The following TXNL1 variants were observed in gnomAD, a reference collection of about 807,000 sequenced individuals.
TXNL1 encodes thioredoxin like 1, also known as thioredoxin-like protein 1.
In TXNL1, 14 loss-of-function variants were observed where a neutral mutation model predicts 35.5. The ratio of observed to expected loss-of-function variants is 0.39; its 90% CI spans 0.26 to 0.62. The LOEUF (loss-of-function observed/expected upper bound fraction) is 0.62, where lower values mean the gene tolerates loss of function less well. Among genes scored for constraint, TXNL1 ranks in the 20% least tolerant of loss-of-function variants. The pLI is 0.47. For missense variants in TXNL1, 263 were observed against 349.7 expected, an observed-to-expected ratio of 0.75 and a Z score of 1.98; for synonymous variants, 110 against 115.5, an observed-to-expected ratio of 0.95 and a Z score of 0.31.
At position 56,624,447 on chromosome 18, in the gene TXNL1, G is replaced by A. The variant is rs1198841696; in HGVS notation, c.210C>T (p.Thr70=). 8.1e-6 allele frequency: 13 copies of A among 1,611,596 alleles called. No homozygotes were observed. Among genetic ancestry groups the A allele is most frequent in the Non-Finnish European group, 1.0e-5 (12 of 1,178,250 alleles). The stretch of plus-strand genomic sequence containing the variant: ...ATGTAGGTGTTGCTGATATATTGTT[G>A]GTGGCAGCTGTTCCCTAGAATTGGC... ...DVHQCQGTAA[T]NNISATPTFL... The change falls in exon 3 of 8, where the codon ACC becomes ACT. Residue 70 remains threonine (T), a synonymous_variant. Coordinates refer to ENST00000217515, the MANE Select transcript of TXNL1 (RefSeq NM_004786.3).
intron 5 of TXNL1, among the ~76,000 whole-genome samples, chr18:56,615,035 C>T (rs2024061309): frequency 6.6e-6 from 1 of 152,140 alleles, no homozygotes; most frequent in African/African-American, 2.4e-5. Flanking sequence ...ATAGTTGGTA[C>T]ATTCAGTTAT....
At chr18:56,606,744 T>C (rs1010226266) in intron 7 of TXNL1, among the ~76,000 whole-genome samples, 9 of 152,236 alleles carry the variant, frequency 5.9e-5, no homozygotes, top group South Asian at 2.1e-4. Flanking sequence ...ACTTTCCCTA[T>C]GTTTGTCCCT....
chr18:56,634,549 A>C (rs965248127), intron 1 of TXNL1, among the ~76,000 whole-genome samples: 3 of 152,246 alleles, frequency 2.0e-5, no homozygotes, highest in South Asian at 2.1e-4. Context: ...AAGGGTGCTG[A>C]TCATTCAATG....
At chr18:56,610,881 G>T in intron 7 of TXNL1, 112 bp downstream of exon 7, 1 of 674,090 alleles carries the variant, frequency 1.5e-6, no homozygotes, top group Non-Finnish European at 2.4e-6. Context: ...TTCATGACAT[G>T]ATATAATTTT....
chr18:56,606,482 G>A (rs565443253), intron 7 of TXNL1, among the ~76,000 whole-genome samples: 9 of 152,292 alleles, frequency 5.9e-5, no homozygotes, highest in Non-Finnish European at 1.0e-4. Flanking sequence ...GTCCTTGAAC[G>A]ATTGAATCCT....
intron 4 of TXNL1, among the ~76,000 whole-genome samples, chr18:56,616,888 T>C (rs2024096679): frequency 1.3e-5 from 2 of 152,162 alleles, no homozygotes; most frequent in African/African-American, 2.4e-5. Flanking sequence ...TATGAAACAC[T>C]GTCAGAATGT....
rs1028427340 is a variant in TXNL1, at chr18:56,598,858, G to C, written c.*4169C>G. 1.1e-4 allele frequency: 17 copies of C among 152,324 alleles called. No individual in the cohort carries two copies. The highest frequency in any genetic ancestry group is 9.2e-4 in the Admixed American group (14 of 15,300). The allele number at this position is 152,324 out of a possible 1,614,324, so 9.4% of individuals were successfully genotyped here. On this transcript the variant is annotated 3_prime_UTR_variant, in exon 8 of 8. Transcript: ENST00000217515. ...GATGTTACTTGCTCAAGATGACACA[G>C]CTAACAAGTGGAAGAGCAGGGATTC...
chr18:56,609,727 A>AT (rs1285635493), intron 7 of TXNL1: 2 of 152,162 alleles, frequency 1.3e-5, no homozygotes, highest in Non-Finnish European at 2.9e-5. Flanking sequence ...TTGCTCACAC[A>AT]TTTTCCCAAT....
intron 3 of TXNL1, among the ~76,000 whole-genome samples, chr18:56,622,057 A>G (rs2024197868): frequency 6.6e-6 from 1 of 151,680 alleles, no homozygotes. Context: ...GCCTAGACCC[A>G]TGCTATTCAA....
Position 56,624,524 on chromosome 18 carries a change from T to C in TXNL1, c.196-63A>G. On this transcript the variant is annotated intron_variant, in intron 2 of 7. Coordinates refer to ENST00000217515, the MANE Select transcript of TXNL1 (RefSeq NM_004786.3). The stretch of plus-strand genomic sequence containing the variant: ...CTTAAACCACTTTGAATATTCATTC[T>C]ACACCTTTATGGAAGTTAAATACCA... 2.7e-6 allele frequency: 4 copies of C among 1,509,070 alleles called. No homozygotes were observed. The South Asian group carries it at 5.1e-5, about 19-fold the overall frequency. The allele number at this position is 1,509,070 out of a possible 1,614,324, so 93.5% of individuals were successfully genotyped here. A position where few individuals can be genotyped will look rare whatever the true frequency, so the allele number is the denominator to read the frequency against.
At position 56,611,029 on chromosome 18, in the gene TXNL1, A is replaced by G; in HGVS notation, c.804T>C (p.Thr268=). The G allele has an allele frequency of 6.2e-7, 1 of 1,608,344 alleles. No homozygotes were observed. The highest frequency in any genetic ancestry group is 8.5e-7 in the Non-Finnish European group (1 of 1,178,056). ...CATTCATATTTGTTGCCTGGACTGG[A>G]GTACCAATAAAAGTAAAATATGAAA... is the stretch of plus-strand genomic sequence containing the variant. ...TRISYFTFIG[T]PVQATNMNDF... Residue 268 remains threonine, a synonymous_variant, in exon 7 of 8, where the codon ACT becomes ACC. Transcript: ENST00000217515.
chr18:56,633,087 T>C (rs2024399783), intron 1 of TXNL1, among the ~76,000 whole-genome samples: 2 of 152,036 alleles, frequency 1.3e-5, no homozygotes, highest in Non-Finnish European at 2.9e-5. Flanking sequence ...CAAAGGCAGA[T>C]CTGCTTTAAG....
chr18:56,597,872 T>C lies in TXNL1; in HGVS notation c.*5155A>G, dbSNP rs1272095017. 6.6e-6 allele frequency: 1 copy of C among 152,228 alleles called. No homozygotes were observed. Among genetic ancestry groups the C allele is most frequent in the African/African-American group, 2.4e-5 (1 of 41,460 alleles). The allele number at this position is 152,228 out of a possible 1,614,324, so 9.4% of individuals were successfully genotyped here. A position where few individuals can be genotyped will look rare whatever the true frequency, so the allele number is the denominator to read the frequency against. On this transcript the variant is annotated 3_prime_UTR_variant, in exon 8 of 8. Coordinates refer to ENST00000217515, the MANE Select transcript of TXNL1 (RefSeq NM_004786.3). ...TCATCTTCCCCTCTGAACGTTCTGC[T>C]TCTCCTAAGAGCTACTTCTATATTC...
intron 1 of TXNL1, among the ~76,000 whole-genome samples, chr18:56,627,001 C>G (rs901034169): frequency 3.4e-5 from 5 of 148,696 alleles, no homozygotes; most frequent in East Asian, 2.0e-4. Context: ...TTTTGAGAAG[C>G]AGGGTCTCAC....
intron 1 of TXNL1, among the ~76,000 whole-genome samples, chr18:56,636,196 G>A (rs959855632): frequency 3.3e-5 from 5 of 151,878 alleles, no homozygotes; most frequent in African/African-American, 9.7e-5. Flanking sequence ...GTAAAATTTA[G>A]ACTGAGAGTG....
chr18:56,626,490 C>T (rs760016407), intron 1 of TXNL1, 33 bp from the exon 2 acceptor site: 2 of 1,544,186 alleles, frequency 1.3e-6, no homozygotes, highest in South Asian at 1.2e-5. Context: ...TAAAATAACA[C>T]TAAAGATTGT....
chr18:56,630,038 A>G (rs968368524), intron 1 of TXNL1, among the ~76,000 whole-genome samples: 7 of 152,104 alleles, frequency 4.6e-5, no homozygotes, highest in Admixed American at 3.9e-4. Flanking sequence ...ATCTCGACTA[A>G]AAGTACAAAA....
chr18:56,624,100 A>AAC (rs1010817816), intron 3 of TXNL1, among the ~76,000 whole-genome samples, 188 bp downstream of exon 3: 1 of 152,180 alleles, frequency 6.6e-6, no homozygotes, highest in African/African-American at 2.4e-5. Context: ...ATAGAGGCTT[A>AAC]ACACACACAC....
chr18:56,610,329 G>T (rs891396852), intron 7 of TXNL1: 11 of 152,324 alleles, frequency 7.2e-5, no homozygotes, highest in African/African-American at 2.7e-4. Context: ...TTGCCCATTA[G>T]AAGTCGTTCC....
Sources: gnomAD v4.1 joint callset for allele counts (sites outside exome capture counted in the v4.1 genomes callset) on GRCh38, gnomAD v4.1.1 for gene constraint, MANE v1.5 for transcripts, NCBI Gene and HGNC (gene_info 2026-07-23, HGNC 2026-07-21) for gene names.